SV2C: variants seen among roughly 807,000 people sequenced by gnomAD.
SV2C encodes synaptic vesicle glycoprotein 2C.
A neutral mutation model predicts 79.7 loss-of-function variants in SV2C; 49 were observed. That is an observed-to-expected ratio of 0.61 (90% CI 0.49 to 0.78). The LOEUF (loss-of-function observed/expected upper bound fraction) is 0.78. SV2C is among the 30% of genes least tolerant of loss of function. The pLI, the probability that SV2C is intolerant of heterozygous loss-of-function variation, is 0.00. For missense variants in SV2C, 833 were observed against 912.9 expected (o/e 0.91, Z 1.13); for synonymous variants, 334 against 333.2 (o/e 1.00, Z -0.03).
the SV2C span, among the ~76,000 whole-genome samples, chr5:75,875,032 T>C: frequency 6.6e-6 from 1 of 152,064 alleles, no homozygotes; most frequent in Non-Finnish European, 1.5e-5. Flanking sequence ...CCAACGACAT[T>C]CTTCAAATAA....
At chr5:75,883,460 T>G in the SV2C span, among the ~76,000 whole-genome samples, 1 of 140,708 alleles carries the variant, frequency 7.1e-6, no homozygotes. Context: ...AACGATAGAC[T>G]GGATTAAGAA....
the SV2C span, among the ~76,000 whole-genome samples, chr5:75,963,329 A>G: frequency 6.6e-6 from 1 of 152,142 alleles, no homozygotes; most frequent in Non-Finnish European, 1.5e-5. Context: ...CGAATTCCTT[A>G]GAAAGAGTGT....
chr5:76,082,635 C>A (rs1038626347), upstream of SV2C, among the ~76,000 whole-genome samples: 2 of 25,600 alleles, frequency 7.8e-5, no homozygotes, highest in Non-Finnish European at 1.4e-4. Context: ...TCTCTCTCCA[C>A]CCCCCCCCCC....
the SV2C span, among the ~76,000 whole-genome samples, chr5:75,877,917 C>T: frequency 2.0e-5 from 3 of 147,758 alleles, no homozygotes; most frequent in Non-Finnish European, 1.5e-5. Flanking sequence ...CATACCAAAA[C>T]TTATCGAATG....
chr5:76,047,598 G>T, the SV2C span, among the ~76,000 whole-genome samples: 1 of 151,918 alleles, frequency 6.6e-6, no homozygotes, highest in African/African-American at 2.4e-5. Flanking sequence ...AAAATATTAT[G>T]CTATTAATGG....
intron 2 of SV2C, among the ~76,000 whole-genome samples, chr5:76,153,774 A>G (rs1742638028): frequency 6.6e-6 from 1 of 152,176 alleles, no homozygotes; most frequent in Non-Finnish European, 1.5e-5. Flanking sequence ...AGATATTCCC[A>G]TTAGGTTGTG....
the SV2C span, among the ~76,000 whole-genome samples, chr5:76,053,112 CA>C: frequency 4.5e-3 from 629 of 139,514 alleles, 2 homozygotes; most frequent in Middle Eastern, 0.052. Context: ...CAATATGGGC[CA>C]AAAAAAAAAA....
the SV2C span, among the ~76,000 whole-genome samples, chr5:75,976,542 C>T: frequency 6.6e-6 from 1 of 151,732 alleles, no homozygotes; most frequent in East Asian, 1.9e-4. Context: ...CGGTGGTTAC[C>T]TTCCTTCCTT....
chr5:76,073,503 G>GTATGTGTATA, the SV2C span, among the ~76,000 whole-genome samples: 12 of 67,436 alleles, frequency 1.8e-4, no homozygotes, highest in African/African-American at 8.0e-4. Flanking sequence ...GTATGTGTGT[G>GTATGTGTATA]TATATATATA....
intron 12 of SV2C, among the ~76,000 whole-genome samples, chr5:76,339,289 T>C (rs1749391801): frequency 6.6e-6 from 1 of 152,242 alleles, no homozygotes; most frequent in Non-Finnish European, 1.5e-5. Flanking sequence ...TTTTTCTATA[T>C]TTTTTCAGTG....
At position 76,173,181 on chromosome 5, in the gene SV2C, A is replaced by G. The variant is rs1297530940; in HGVS notation, c.581-21738A>G. The stretch of plus-strand genomic sequence containing the variant: ...AAAATTACAATAAGCTACAAGTATC[A>G]AAGAAGCGAAGTTATCTGGAGTAGT... On this transcript the variant is annotated intron_variant, in intron 2 of 12. Transcript: ENST00000502798. Among the ~76,000 whole-genome samples the G allele has an allele frequency of 2.7e-5, 4 of 149,726 alleles. No individual in the cohort carries two copies. The East Asian group carries it at 7.7e-4, about 29-fold the overall frequency.
chr5:76,037,557 C>T, the SV2C span, among the ~76,000 whole-genome samples: 2 of 152,226 alleles, frequency 1.3e-5, no homozygotes, highest in African/African-American at 2.4e-5. Flanking sequence ...TTAGGCTGCT[C>T]GGGGGTCAGG....
intron 3 of SV2C, among the ~76,000 whole-genome samples, chr5:76,195,607 A>T (rs967219747): frequency 1.1e-4 from 17 of 152,202 alleles, no homozygotes; most frequent in Non-Finnish European, 2.2e-4. Flanking sequence ...TGTTGAATTA[A>T]CAGAAGTTGT....
intron 8 of SV2C, among the ~76,000 whole-genome samples, chr5:76,294,842 G>C (rs1012624492): frequency 1.3e-5 from 2 of 152,114 alleles, no homozygotes; most frequent in African/African-American, 4.8e-5. Flanking sequence ...TGGAATCTCT[G>C]AGAATAACAC....
the SV2C span, among the ~76,000 whole-genome samples, chr5:75,970,481 A>G: frequency 1.3e-5 from 2 of 152,066 alleles, no homozygotes; most frequent in Non-Finnish European, 2.9e-5. Context: ...ATAAAAAATG[A>G]CAAAGGGGAT....
At chr5:75,883,382 A>C in the SV2C span, among the ~76,000 whole-genome samples, 1 of 145,638 alleles carries the variant, frequency 6.9e-6, no homozygotes. Context: ...CTATAGAGAC[A>C]CATGCACACG....
chr5:76,326,214 A>G lies in SV2C; in HGVS notation c.*667A>G, dbSNP rs1580076022. On this transcript the variant is annotated 3_prime_UTR_variant, in exon 13 of 13. Transcript: ENST00000502798. ...AAGCAAGATTTCTGTCAGAAAGCCC[A>G]ATTAAACCTCTGAAAAGTGTGAGGA... 1 of 152,242 alleles carries G rather than the reference A, an allele frequency of 6.6e-6. No homozygotes were observed. Among genetic ancestry groups the G allele is most frequent in the East Asian group, 1.9e-4 (1 of 5,202 alleles). 9.4% of individuals were successfully genotyped at this position (152,242 alleles called of 1,614,324 possible).
the SV2C span, among the ~76,000 whole-genome samples, chr5:75,854,507 A>C: frequency 5.1e-4 from 78 of 152,132 alleles, 1 homozygote; most frequent in South Asian, 2.1e-4. Flanking sequence ...TGGTCATTCA[A>C]GTATCTTATT....
chr5:76,263,820 G>A lies in SV2C; in HGVS notation c.914-21342G>A, dbSNP rs141091336. ...TCTTCCGGTGAGTAGGGTTCCCTTT[G>A]TAGGTAACCTGACCTTTTTCTCTGG... On this transcript the variant is annotated intron_variant, in intron 4 of 12. Transcript: ENST00000502798. Among the ~76,000 whole-genome samples, 549 of 152,208 alleles carry A rather than the reference G, an allele frequency of 3.6e-3. 2 individuals are homozygous for A. The highest frequency in any genetic ancestry group is 0.013 in the African/African-American group (524 of 41,522).
Sources: gnomAD v4.1 joint callset for allele counts (sites outside exome capture counted in the v4.1 genomes callset) on GRCh38, gnomAD v4.1.1 for gene constraint, MANE v1.5 for transcripts, NCBI Gene and HGNC (gene_info 2026-07-23, HGNC 2026-07-21) for gene names.